Variants in PDGFC observed in about 807,000 individuals in gnomAD.
PDGFC encodes platelet-derived growth factor C.
Under a neutral mutation model 35.5 loss-of-function variants are expected in PDGFC, and 12 were observed. That is an observed-to-expected ratio of 0.34 (90% confidence interval 0.22 to 0.55). The LOEUF (loss-of-function observed/expected upper bound fraction) is 0.55, where lower values mean the gene tolerates loss of function less well. Ranked by LOEUF, PDGFC falls within the 20% of genes least tolerant of loss-of-function variation. The pLI, the probability that PDGFC is intolerant of heterozygous loss-of-function variation, is 0.91. For missense variants in PDGFC, 322 were observed against 412.4 expected, an observed-to-expected ratio of 0.78 and a Z score of 1.90; for synonymous variants, 159 against 148.8, an observed-to-expected ratio of 1.07 and a Z score of -0.50.
In PDGFC at chr4:156,793,567, C is replaced by A. The variant is rs1376548228; in HGVS notation, c.495+17270G>T. 7.3e-5 allele frequency among the ~76,000 whole-genome samples: 10 copies of A among 136,832 alleles called. No homozygotes were observed. The East Asian group carries it at 2.1e-3, about 29-fold the overall frequency. 89.8% of individuals were successfully genotyped at this position (136,832 alleles called of 152,430 possible). On this transcript the variant is annotated intron_variant, in intron 3 of 5. Coordinates refer to ENST00000502773, the MANE Select transcript of PDGFC (RefSeq NM_016205.3). ...TATATATATATATATATATATAAAA[C>A]ACTTTAAAATGTTATATGTGTGTGT...
At chr4:156,951,720 T>G (rs1560888055) in intron 1 of PDGFC, among the ~76,000 whole-genome samples, 1 of 148,168 alleles carries the variant, frequency 6.7e-6, no homozygotes, top group African/African-American at 2.5e-5. Context: ...GAATATCCAC[T>G]CTACCTTATA....
chr4:156,894,788 CA>C (rs887701313), intron 1 of PDGFC, among the ~76,000 whole-genome samples: 8 of 151,374 alleles, frequency 5.3e-5, no homozygotes, highest in Non-Finnish European at 5.9e-5. Flanking sequence ...GAACAAAAAC[CA>C]AAAAAAAGGC....
At chr4:156,883,447 T>A (rs1367074004) in intron 1 of PDGFC, among the ~76,000 whole-genome samples, 1 of 152,220 alleles carries the variant, frequency 6.6e-6, no homozygotes, top group Admixed American at 6.5e-5. Context: ...CATTGCATTC[T>A]CTTTCATACT....
rs963396231 is a variant in PDGFC, at chr4:156,869,435, C to CA, written c.119-19020dup. ...TGGGTGACAGAGCAAGACTCCATCT[C>CA]AAAAAAAAAAATGATCCTAGCATAT... On this transcript the variant is annotated intron_variant, in intron 1 of 5. Transcript: ENST00000502773. 7.0e-4 allele frequency among the ~76,000 whole-genome samples: 101 copies of CA among 143,410 alleles called. 1 individual carries two copies. Among genetic ancestry groups the CA allele is most frequent in the African/African-American group, 1.0e-3 (41 of 39,222 alleles). The allele number at this position is 143,410 out of a possible 152,430, so 94.1% of individuals were successfully genotyped here.
At chr4:156,892,741 T>C (rs1475033191) in intron 1 of PDGFC, among the ~76,000 whole-genome samples, 2 of 152,230 alleles carry the variant, frequency 1.3e-5, no homozygotes, top group Non-Finnish European at 2.9e-5. Flanking sequence ...TTATAATTTC[T>C]CTACAGCTGA....
At chr4:156,781,672 T>G (rs1730983108) in intron 3 of PDGFC, among the ~76,000 whole-genome samples, 1 of 151,950 alleles carries the variant, frequency 6.6e-6, no homozygotes. Context: ...ACTCTCTTCT[T>G]CAGGGTAGGG....
intron 1 of PDGFC, among the ~76,000 whole-genome samples, chr4:156,927,499 G>T (rs1731442903): frequency 1.3e-5 from 2 of 152,068 alleles, no homozygotes; most frequent in African/African-American, 4.8e-5. Flanking sequence ...TTGCTGCTTA[G>T]AAATTTCTTC....
intron 1 of PDGFC, among the ~76,000 whole-genome samples, chr4:156,866,211 G>A (rs1057091005): frequency 6.6e-6 from 1 of 151,988 alleles, no homozygotes; most frequent in Non-Finnish European, 1.5e-5. Context: ...GCAGTGTTTG[G>A]TTTTTTGTCC....
chr4:156,825,611 G>GGAGAAGGAGA (rs1732441784), intron 2 of PDGFC, among the ~76,000 whole-genome samples: 4 of 129,762 alleles, frequency 3.1e-5, no homozygotes, highest in African/African-American at 1.2e-4. Context: ...AGAAGAAGAA[G>GGAGAAGGAGA]AAGAAGAAGA....
At chr4:156,811,173 G>A (rs1306367371) in intron 2 of PDGFC, among the ~76,000 whole-genome samples, 156 bp from the exon 3 acceptor site, 2 of 152,024 alleles carry the variant, frequency 1.3e-5, no homozygotes, top group African/African-American at 4.8e-5. Flanking sequence ...CTAAAGAAGA[G>A]ACACAACTGA....
chr4:156,927,018 A>C (rs1300635906), intron 1 of PDGFC, among the ~76,000 whole-genome samples: 1 of 152,154 alleles, frequency 6.6e-6, no homozygotes, highest in African/African-American at 2.4e-5. Flanking sequence ...GAGGTTCCCA[A>C]ACCTCAATTT....
At chr4:156,906,180 T>C (rs1373399929) in intron 1 of PDGFC, among the ~76,000 whole-genome samples, 1 of 152,160 alleles carries the variant, frequency 6.6e-6, no homozygotes, top group Non-Finnish European at 1.5e-5. Flanking sequence ...ATTTCAGAAG[T>C]TCGGTGTACC....
At position 156,762,250 on chromosome 4, in the gene PDGFC, A is replaced by T. The variant is rs1426458807; in HGVS notation, c.*840T>A. On this transcript the variant is annotated 3_prime_UTR_variant, in exon 6 of 6. Coordinates refer to ENST00000502773, the MANE Select transcript of PDGFC (RefSeq NM_016205.3). ...ACAATTGTGTTTAGAAAAATTTACC[A>T]AGCTAAAAATAGTTGATCTAAGTTG... is the stretch of plus-strand genomic sequence containing the variant. 1 of 152,632 alleles carries T rather than the reference A, an allele frequency of 6.6e-6. No individual in the cohort carries two copies. Among genetic ancestry groups the T allele is most frequent in the Non-Finnish European group, 1.5e-5 (1 of 68,034 alleles). The allele number at this position is 152,632 out of a possible 1,614,324, so 9.5% of individuals were successfully genotyped here. A position where few individuals can be genotyped will look rare whatever the true frequency, so the allele number is the denominator to read the frequency against.
chr4:156,939,670 G>C lies in PDGFC; in HGVS notation c.118+31116C>G, dbSNP rs113943697. Among the ~76,000 whole-genome samples, 873 of 152,076 alleles carry C rather than the reference G, an allele frequency of 5.7e-3. 7 individuals are homozygous for C. Among genetic ancestry groups the C allele is most frequent in the African/African-American group, 0.02 (822 of 41,500 alleles). Reference sequence around the variant, plus strand: ...TACATAAAATGCCTTTCAAAATCAAGTTGACATCAATGTGTCCTCAGCAGA... The same window carrying C: ...TACATAAAATGCCTTTCAAAATCAACTTGACATCAATGTGTCCTCAGCAGA... On this transcript the variant is annotated intron_variant, in intron 1 of 5. Coordinates refer to ENST00000502773, the MANE Select transcript of PDGFC (RefSeq NM_016205.3).
intron 1 of PDGFC, among the ~76,000 whole-genome samples, chr4:156,851,883 A>T (rs1281632883): frequency 7.1e-6 from 1 of 140,596 alleles, no homozygotes; most frequent in Admixed American, 7.6e-5. Flanking sequence ...GTGAGGGGAG[A>T]TCCCGCCACT....
At chr4:156,818,392 C>G (rs1732150378) in intron 2 of PDGFC, among the ~76,000 whole-genome samples, 1 of 151,822 alleles carries the variant, frequency 6.6e-6, no homozygotes. Context: ...GTTTTGCCTT[C>G]ATATCATTTA....
chr4:156,804,962 C>A (rs1193566790), intron 3 of PDGFC, among the ~76,000 whole-genome samples: 1 of 152,000 alleles, frequency 6.6e-6, no homozygotes, highest in Non-Finnish European at 1.5e-5. Context: ...CTGCCATTTA[C>A]CATTCCTACA....
intron 1 of PDGFC, among the ~76,000 whole-genome samples, chr4:156,889,277 C>A (rs765221190): frequency 6.6e-6 from 1 of 152,124 alleles, no homozygotes; most frequent in Non-Finnish European, 1.5e-5. Context: ...CTGATATTTT[C>A]CCTGAACATT....
Position 156,971,382 on chromosome 4 carries a change from C to A in PDGFC, c.-479G>T. 1 of 392,666 alleles carries A rather than the reference C, an allele frequency of 2.5e-6. No homozygotes were observed. The highest frequency in any genetic ancestry group is 4.5e-6 in the Non-Finnish European group (1 of 222,538). The allele number at this position is 392,666 out of a possible 1,614,324, so 24.3% of individuals were successfully genotyped here. On this transcript the variant is annotated 5_prime_UTR_variant, in exon 1 of 6. Coordinates refer to ENST00000502773, the MANE Select transcript of PDGFC (RefSeq NM_016205.3). ...TCAATAACAAAGCTGCCAATAGATG[C>A]GGCTCTCCGGGCGCCCCTCTCCCCC...
Sources: allele counts gnomAD v4.1 joint callset (sites outside exome capture counted in the v4.1 genomes callset), GRCh38; gene constraint gnomAD v4.1.1; transcripts MANE v1.5; gene names NCBI Gene and HGNC (gene_info 2026-07-23, HGNC 2026-07-21).